The following SYT1 variants were observed in gnomAD, a reference collection of about 807,000 sequenced individuals.
SYT1 encodes synaptotagmin-1.
A neutral mutation model predicts 44.8 loss-of-function variants in SYT1; 8 were observed. The ratio of observed to expected loss-of-function variants is 0.18; its 90% CI spans 0.10 to 0.32. The LOEUF (loss-of-function observed/expected upper bound fraction) is 0.32. Ranked by LOEUF, SYT1 falls within the 10% of genes least tolerant of loss-of-function variation. SYT1 has a pLI of 1.00. For missense variants in SYT1, 286 were observed against 509.3 expected, an observed-to-expected ratio of 0.56 and a Z score of 4.22; for synonymous variants, 154 against 188.8, an observed-to-expected ratio of 0.82 and a Z score of 1.51.
chr12:79,205,322 G>GA (rs1222619232), intron 3 of SYT1, among the ~76,000 whole-genome samples: 5 of 151,998 alleles, frequency 3.3e-5, no homozygotes, highest in Non-Finnish European at 7.4e-5. Flanking sequence ...TAATGCATTT[G>GA]AAAAAACTCA....
At chr12:79,315,314 A>C (rs1206324631) in intron 8 of SYT1, among the ~76,000 whole-genome samples, 1 of 152,152 alleles carries the variant, frequency 6.6e-6, no homozygotes, top group African/African-American at 2.4e-5. Context: ...AAACCCAAGC[A>C]ATCCTTTCAC....
chr12:79,377,353 C>T (rs368879524), intron 9 of SYT1, among the ~76,000 whole-genome samples: 3 of 152,158 alleles, frequency 2.0e-5, no homozygotes, highest in East Asian at 1.9e-4. Context: ...CCTCGTGATC[C>T]GCCTACCTTG....
At chr12:79,307,638 G>GGC in intron 8 of SYT1, among the ~76,000 whole-genome samples, 1 of 128,420 alleles carries the variant, frequency 7.8e-6, no homozygotes, top group African/African-American at 3.0e-5. Flanking sequence ...GGGGGGGCGT[G>GGC]GGGGGGGGCG....
At chr12:79,309,947 T>G (rs1181499551) in intron 8 of SYT1, among the ~76,000 whole-genome samples, 2 of 152,060 alleles carry the variant, frequency 1.3e-5, no homozygotes, top group Admixed American at 6.6e-5. Context: ...TTGCGAAAAT[T>G]TTCTCCCATT....
chr12:79,130,806 A>G (rs1868762515), intron 3 of SYT1, among the ~76,000 whole-genome samples: 1 of 152,288 alleles, frequency 6.6e-6, no homozygotes. Flanking sequence ...GTCTTCTGCT[A>G]GCCTCCATGA....
At chr12:79,024,293 G>A (rs1430744917) in intron 2 of SYT1, among the ~76,000 whole-genome samples, 1 of 151,718 alleles carries the variant, frequency 6.6e-6, no homozygotes, top group Non-Finnish European at 1.5e-5. Flanking sequence ...AGGATGGGTT[G>A]GAGAGCACCT....
At chr12:79,314,490 A>T (rs936591597) in intron 8 of SYT1, among the ~76,000 whole-genome samples, 1 of 152,198 alleles carries the variant, frequency 6.6e-6, no homozygotes, top group Non-Finnish European at 1.5e-5. Flanking sequence ...GTGATTGTGC[A>T]CCAATTAATT....
At chr12:79,132,737 T>C (rs1334171561) in intron 3 of SYT1, among the ~76,000 whole-genome samples, 7 of 137,942 alleles carry the variant, frequency 5.1e-5, no homozygotes, top group African/African-American at 1.6e-4. Context: ...TCCAGCAATC[T>C]CAATACTGGG....
At chr12:78,976,119 C>A (rs1006930707) in intron 1 of SYT1, among the ~76,000 whole-genome samples, 10 of 152,100 alleles carry the variant, frequency 6.6e-5, no homozygotes, top group Non-Finnish European at 1.2e-4. Context: ...CAAATTTACA[C>A]CATGACACTT....
intron 4 of SYT1, among the ~76,000 whole-genome samples, chr12:79,269,901 T>C (rs1419428405): frequency 6.6e-6 from 1 of 152,176 alleles, no homozygotes; most frequent in African/African-American, 2.4e-5. Flanking sequence ...AATTCTTCAT[T>C]TGGACCTCTG....
intron 1 of SYT1, among the ~76,000 whole-genome samples, chr12:78,929,641 G>A (rs912743054): frequency 1.3e-5 from 2 of 150,698 alleles, no homozygotes; most frequent in African/African-American, 4.8e-5. Context: ...GGAAAGTTGT[G>A]GAGTTTACAG....
intron 8 of SYT1, among the ~76,000 whole-genome samples, chr12:79,331,776 T>G (rs979091218): frequency 1.3e-4 from 20 of 152,094 alleles, no homozygotes; most frequent in Admixed American, 1.3e-3. Context: ...AATGTTTAGT[T>G]TGATCTCTGC....
intron 3 of SYT1, among the ~76,000 whole-genome samples, chr12:79,159,465 T>C (rs920997189): frequency 6.6e-6 from 1 of 152,150 alleles, no homozygotes; most frequent in African/African-American, 2.4e-5. Context: ...TTACAGTATT[T>C]TGAGACAGAG....
intron 9 of SYT1, among the ~76,000 whole-genome samples, chr12:79,391,484 C>A (rs1466778965): frequency 6.6e-6 from 1 of 151,868 alleles, no homozygotes; most frequent in Non-Finnish European, 1.5e-5. Flanking sequence ...TGAAAAGTTC[C>A]CTAGGAATTT....
intron 4 of SYT1, among the ~76,000 whole-genome samples, chr12:79,268,942 G>A (rs992791296): frequency 6.6e-5 from 10 of 152,148 alleles, no homozygotes; most frequent in African/African-American, 2.4e-4. Context: ...AAAGAGAAAG[G>A]ATGAAAGAGA....
At chr12:79,106,596 A>T (rs1438057838) in intron 3 of SYT1, among the ~76,000 whole-genome samples, 2 of 151,100 alleles carry the variant, frequency 1.3e-5, no homozygotes, top group African/African-American at 4.9e-5. Flanking sequence ...CAAAACTCTC[A>T]TAGGGAACTT....
At chr12:79,312,769 A>ATTTTTTT (rs34469793) in intron 8 of SYT1, among the ~76,000 whole-genome samples, 2 of 116,970 alleles carry the variant, frequency 1.7e-5, no homozygotes, top group Non-Finnish European at 3.5e-5. Flanking sequence ...AAGGGGCTGC[A>ATTTTTTT]TTTTTTTTTT....
chr12:79,319,200 A>T (rs1299986227), intron 8 of SYT1, among the ~76,000 whole-genome samples: 1 of 152,212 alleles, frequency 6.6e-6, no homozygotes, highest in East Asian at 1.9e-4. Context: ...TTTGGTAAAC[A>T]GTGCTCTCTA....
At chr12:79,034,825 T>A (rs1471281046) in intron 2 of SYT1, among the ~76,000 whole-genome samples, 1 of 151,778 alleles carries the variant, frequency 6.6e-6, no homozygotes, top group Non-Finnish European at 1.5e-5. Context: ...TTTTATTCTA[T>A]TTTTAATTGA....
Sources: gnomAD v4.1 joint callset for allele counts (sites outside exome capture counted in the v4.1 genomes callset) on GRCh38, gnomAD v4.1.1 for gene constraint, MANE v1.5 for transcripts, NCBI Gene and HGNC (gene_info 2026-07-23, HGNC 2026-07-21) for gene names.